Variants in AGPAT4 observed in about 807,000 individuals in gnomAD.
AGPAT4 encodes the protein 1-acylglycerol-3-phosphate O-acyltransferase 4, also known as 1-acyl-sn-glycerol-3-phosphate acyltransferase delta.
Under a neutral mutation model 48.0 loss-of-function variants are expected in AGPAT4, and 15 were observed. The ratio of observed to expected loss-of-function variants is 0.31; its 90% CI spans 0.21 to 0.48. The LOEUF is 0.48. Ranked by LOEUF, AGPAT4 falls within the 20% of genes least tolerant of loss-of-function variation. AGPAT4 has a pLI of 0.99. For missense variants in AGPAT4, 314 were observed against 482.5 expected, an observed-to-expected ratio of 0.65 and a Z score of 3.27; for synonymous variants, 178 against 198.7, an observed-to-expected ratio of 0.90 and a Z score of 0.88.
Position 161,144,057 on chromosome 6 carries a change from G to A in AGPAT4, c.843+2467C>T, listed in dbSNP as rs2114956078. The A allele has an allele frequency of 6.2e-6, 3 of 487,446 alleles. No homozygotes were observed. Among genetic ancestry groups the A allele is most frequent in the South Asian group, 4.7e-5 (3 of 63,874 alleles). The allele number at this position is 487,446 out of a possible 1,614,324, so 30.2% of individuals were successfully genotyped here. ...CAAACTGGGTCGGGCACCCAGATTT[G>A]GGGCACGTAAAGCTTTAGATCTAGG... On this transcript the variant is annotated intron_variant, in intron 7 of 8. Transcript: ENST00000320285. This position sits in a 1 kb window ranked among gnomAD's most constrained non-coding sequence, Gnocchi z 6.6.
At position 161,264,923 on chromosome 6, in the gene AGPAT4, C is replaced by A. The variant is rs1034514646; in HGVS notation, c.-90+9015G>T. Among the ~76,000 whole-genome samples the A allele has an allele frequency of 2.0e-4, 30 of 152,080 alleles. No individual in the cohort carries two copies. The highest frequency in any genetic ancestry group is 6.5e-4 in the African/African-American group (27 of 41,412). ...TGGGGAGCTGAAGCCTAACTTCAGG[C>A]AGGGCAGGGTGCTGGTCCTGGGAAG... On this transcript the variant is annotated intron_variant, in intron 1 of 8. Transcript: ENST00000320285. The surrounding 1 kb of genome is among the most constrained non-coding windows in gnomAD (Gnocchi z 6.8).
At position 161,136,338 on chromosome 6, in the gene AGPAT4, T is replaced by TAAAGC; in HGVS notation, c.*197_*201dup. ...GCACAAAAAGAAAACCAAAGCCCACTAAAGCACATGGGGAAAAAAAGATTA... is the reference window on the plus strand; with the variant it reads ...GCACAAAAAGAAAACCAAAGCCCACTAAAGCAAAGCACATGGGGAAAAAAAGATTA... On this transcript the variant is annotated 3_prime_UTR_variant, in exon 9 of 9. Coordinates refer to ENST00000320285, the MANE Select transcript of AGPAT4 (RefSeq NM_020133.3). 1.8e-6 allele frequency: 1 copy of TAAAGC among 561,154 alleles called. No homozygotes were observed. The highest frequency in any genetic ancestry group is 3.2e-6 in the Non-Finnish European group (1 of 312,208). 34.8% of individuals were successfully genotyped at this position (561,154 alleles called of 1,614,324 possible).
At position 161,166,508 on chromosome 6, in the gene AGPAT4, G is replaced by A. The variant is rs1353875071; in HGVS notation, c.179-91C>T. 6.9e-7 allele frequency: 1 copy of A among 1,456,724 alleles called. No individual in the cohort carries two copies. Among genetic ancestry groups the A allele is most frequent in the African/African-American group, 1.4e-5 (1 of 70,160 alleles). The allele number at this position is 1,456,724 out of a possible 1,614,324, so 90.2% of individuals were successfully genotyped here. ...GCAGGGCTCTGCCCTCCCAGCTAGG[G>A]GAGAAAGCAACTTCTACGGGCAAAG... On this transcript the variant is annotated intron_variant, in intron 2 of 8. Coordinates refer to ENST00000320285, the MANE Select transcript of AGPAT4 (RefSeq NM_020133.3). The surrounding 1 kb of genome is among the most constrained non-coding windows in gnomAD (Gnocchi z 6.7).
chr6:161,135,602 G>A lies in AGPAT4; in HGVS notation c.*938C>T, dbSNP rs186311537. On this transcript the variant is annotated 3_prime_UTR_variant, in exon 9 of 9. Transcript: ENST00000320285. ...CAGACAAGCTCTACATGCTGGGAAG[G>A]GGCGAGGCATTTTATAAAGTGAAAC... is the stretch of plus-strand genomic sequence containing the variant. 6.6e-6 allele frequency: 1 copy of A among 152,344 alleles called. No individual in the cohort carries two copies. The highest frequency in any genetic ancestry group is 1.9e-4 in the East Asian group (1 of 5,180). 9.4% of individuals were successfully genotyped at this position (152,344 alleles called of 1,614,324 possible). A position where few individuals can be genotyped will look rare whatever the true frequency, so the allele number is the denominator to read the frequency against.
rs1780048180 is a variant in AGPAT4, at chr6:161,164,863, C to T, written c.348+1385G>A. Among the ~76,000 whole-genome samples the T allele has an allele frequency of 1.3e-5, 2 of 152,116 alleles. No individual in the cohort carries two copies. Among genetic ancestry groups the T allele is most frequent in the African/African-American group, 4.8e-5 (2 of 41,428 alleles). ...TTGCACATTCTAAGCATGAACACTA[C>T]CAGAAAGTACTTACAAAGCCTGGAA... is the stretch of plus-strand genomic sequence containing the variant. On this transcript the variant is annotated intron_variant, in intron 3 of 8. Transcript: ENST00000320285. This position sits in a 1 kb window ranked among gnomAD's most constrained non-coding sequence, Gnocchi z 7.4.
In AGPAT4 at chr6:161,231,097, C is replaced by G. The variant is rs959127277; in HGVS notation, c.178+939G>C. On this transcript the variant is annotated intron_variant, in intron 2 of 8. Coordinates refer to ENST00000320285, the MANE Select transcript of AGPAT4 (RefSeq NM_020133.3). The surrounding 1 kb of genome is among the most constrained non-coding windows in gnomAD (Gnocchi z 5.3). ...AAAAATATATCAATAATTTTAGACT[C>G]TTGGCATAATCTTAGTTGATGTTTT... 2.0e-5 allele frequency among the ~76,000 whole-genome samples: 3 copies of G among 152,074 alleles called. No individual in the cohort carries two copies. Among genetic ancestry groups the G allele is most frequent in the Non-Finnish European group, 2.9e-5 (2 of 68,008 alleles).
chr6:161,262,704 G>A lies in AGPAT4; in HGVS notation c.-90+11234C>T, dbSNP rs891607242. On this transcript the variant is annotated intron_variant, in intron 1 of 8. Transcript: ENST00000320285. The surrounding 1 kb of genome is among the most constrained non-coding windows in gnomAD (Gnocchi z 4.9). The stretch of plus-strand genomic sequence containing the variant: ...TCCGATTATTCTTCAGTCCCACGGG[G>A]GAGTGAGACCCTCATAGTGAGGGGC... Among the ~76,000 whole-genome samples, 3 of 152,124 alleles carry A rather than the reference G, an allele frequency of 2.0e-5. No homozygotes were observed. The highest frequency in any genetic ancestry group is 7.2e-5 in the African/African-American group (3 of 41,422).
rs1459801254 is a variant in AGPAT4 at position 161,221,084 on chromosome 6, C to A, written c.178+10952G>T. ...AGGCATGAGCCACCGCACCCGGCCC[C>A]AGACAGCATATTTAAACAGATGACA... On this transcript the variant is annotated intron_variant, in intron 2 of 8. Coordinates refer to ENST00000320285, the MANE Select transcript of AGPAT4 (RefSeq NM_020133.3). This position sits in a 1 kb window ranked among gnomAD's most constrained non-coding sequence, Gnocchi z 4.5. Among the ~76,000 whole-genome samples, 3 of 152,140 alleles carry A rather than the reference C, an allele frequency of 2.0e-5. No individual in the cohort carries two copies. Among genetic ancestry groups the A allele is most frequent in the Non-Finnish European group, 4.4e-5 (3 of 68,028 alleles).
chr6:161,238,720 G>A lies in AGPAT4; in HGVS notation c.-89-6418C>T, dbSNP rs186892011. ...GTAGTTCCCATAATCTCCACATGTC[G>A]TGGGAGGGAACCAGTGGGAGGTAAC... On this transcript the variant is annotated intron_variant, in intron 1 of 8. Coordinates refer to ENST00000320285, the MANE Select transcript of AGPAT4 (RefSeq NM_020133.3). The surrounding 1 kb of genome is among the most constrained non-coding windows in gnomAD (Gnocchi z 5.2). Among the ~76,000 whole-genome samples the A allele has an allele frequency of 6.8e-4, 103 of 152,256 alleles. No individual in the cohort carries two copies. The highest frequency in any genetic ancestry group is 2.1e-3 in the African/African-American group (88 of 41,546).
intron 2 of AGPAT4, among the ~76,000 whole-genome samples, chr6:161,170,079 A>C (rs2114982880): frequency 1.3e-5 from 2 of 152,294 alleles, no homozygotes; most frequent in South Asian, 4.1e-4. Context: ...TCAATGCCAG[A>C]TGCAAAAGAA....
rs1248487507 is a variant in AGPAT4 at position 161,234,657 on chromosome 6, T to C, written c.-89-2355A>G. ...ATGCAATTTGTTCATTGTCCCCGGATTAGCCACTAATAGCGTCAAGACAAT... is the reference window on the plus strand; with the variant it reads ...ATGCAATTTGTTCATTGTCCCCGGACTAGCCACTAATAGCGTCAAGACAAT... On this transcript the variant is annotated intron_variant, in intron 1 of 8. Transcript: ENST00000320285. The surrounding 1 kb of genome is among the most constrained non-coding windows in gnomAD (Gnocchi z 4.4). 6.6e-6 allele frequency among the ~76,000 whole-genome samples: 1 copy of C among 152,144 alleles called. No homozygotes were observed. The highest frequency in any genetic ancestry group is 1.5e-5 in the Non-Finnish European group (1 of 68,036).
At chr6:161,136,756 C>A in intron 8 of AGPAT4, 122 bp from the exon 9 acceptor site, 1 of 779,244 alleles carries the variant, frequency 1.3e-6, no homozygotes, top group Non-Finnish European at 2.1e-6. Context: ...AGCTGGCTGG[C>A]GGGTTTGAGG....
Position 161,168,088 on chromosome 6 carries a change from G to A in AGPAT4, c.179-1671C>T, listed in dbSNP as rs145314249. Among the ~76,000 whole-genome samples, 320 of 151,254 alleles carry A rather than the reference G, an allele frequency of 2.1e-3. 1 individual carries two copies. The highest frequency in any genetic ancestry group is 7.3e-3 in the African/African-American group (299 of 40,980). On this transcript the variant is annotated intron_variant, in intron 2 of 8. Coordinates refer to ENST00000320285, the MANE Select transcript of AGPAT4 (RefSeq NM_020133.3). ...GAAGCACAAGTCAAGGAATAGTGAC[G>A]CATCCTGGGAGTTGGTTGTGGGGGC...
In AGPAT4 at chr6:161,247,451, T is replaced by C. The variant is rs141328330; in HGVS notation, c.-89-15149A>G. 6.8e-4 allele frequency among the ~76,000 whole-genome samples: 104 copies of C among 152,324 alleles called. 3 individuals carry two copies. In the East Asian group the frequency reaches 0.01, roughly 15 times the overall value. On this transcript the variant is annotated intron_variant, in intron 1 of 8. Coordinates refer to ENST00000320285, the MANE Select transcript of AGPAT4 (RefSeq NM_020133.3). ...CATAAAGCTTTCCCCTCCCCTTTGC[T>C]AGATAAAACCATTTCAGAGGCTTTT... is the stretch of plus-strand genomic sequence containing the variant.
At position 161,203,693 on chromosome 6, in the gene AGPAT4, C is replaced by T. The variant is rs530372360; in HGVS notation, c.178+28343G>A. 2.1e-3 allele frequency among the ~76,000 whole-genome samples: 316 copies of T among 152,158 alleles called. 2 individuals carry two copies. The highest frequency in any genetic ancestry group is 3.1e-3 in the Admixed American group (48 of 15,292). On this transcript the variant is annotated intron_variant, in intron 2 of 8. Coordinates refer to ENST00000320285, the MANE Select transcript of AGPAT4 (RefSeq NM_020133.3). The stretch of plus-strand genomic sequence containing the variant: ...GATTACAGGCATGAGCCACAGCGCC[C>T]GGCTGGTGCTGGGATTACAGGTGTG...
chr6:161,245,147 T>C lies in AGPAT4; in HGVS notation c.-89-12845A>G, dbSNP rs1342855826. ...GCGACTCTATTCATGGTGGAATAAA[T>C]AAATGCAGCAGGGGAGGTAGCCAGT... On this transcript the variant is annotated intron_variant, in intron 1 of 8. Transcript: ENST00000320285. The surrounding 1 kb of genome is among the most constrained non-coding windows in gnomAD (Gnocchi z 5.2). Among the ~76,000 whole-genome samples, 1 of 152,218 alleles carries C rather than the reference T, an allele frequency of 6.6e-6. No individual in the cohort carries two copies. Among genetic ancestry groups the C allele is most frequent in the Non-Finnish European group, 1.5e-5 (1 of 68,036 alleles).
In AGPAT4 at chr6:161,184,954, G is replaced by A. The variant is rs1031800485; in HGVS notation, c.179-18537C>T. 1.2e-4 allele frequency among the ~76,000 whole-genome samples: 18 copies of A among 152,006 alleles called. No homozygotes were observed. Among genetic ancestry groups the A allele is most frequent in the East Asian group, 5.8e-4 (3 of 5,184 alleles). On this transcript the variant is annotated intron_variant, in intron 2 of 8. Coordinates refer to ENST00000320285, the MANE Select transcript of AGPAT4 (RefSeq NM_020133.3). This position sits in a 1 kb window ranked among gnomAD's most constrained non-coding sequence, Gnocchi z 4.8. ...GGAGGAGTAGGTTAAACGCCCTCACGATGAGCACCCACACACCCAGAGCAC... is the reference window on the plus strand; with the variant it reads ...GGAGGAGTAGGTTAAACGCCCTCACAATGAGCACCCACACACCCAGAGCAC...
intron 3 of AGPAT4, among the ~76,000 whole-genome samples, chr6:161,157,719 G>A (rs1005910254): frequency 3.3e-5 from 5 of 152,198 alleles, no homozygotes; most frequent in African/African-American, 1.2e-4. Context: ...TGTTTGGTAA[G>A]AAACATGTTA....
rs745644958 is a variant in AGPAT4 at position 161,148,953 on chromosome 6, A to G, written c.767+234T>C. ...TAAAATACAGCCTTCCATTTGTTCA[A>G]CCTAAGCTCTTTGATACGAAAAAGC... On this transcript the variant is annotated intron_variant, in intron 6 of 8. Coordinates refer to ENST00000320285, the MANE Select transcript of AGPAT4 (RefSeq NM_020133.3). The surrounding 1 kb of genome is among the most constrained non-coding windows in gnomAD (Gnocchi z 5.5). 3.3e-5 allele frequency among the ~76,000 whole-genome samples: 5 copies of G among 152,216 alleles called. No homozygotes were observed. Among genetic ancestry groups the G allele is most frequent in the African/African-American group, 4.8e-5 (2 of 41,456 alleles).
Sources: gnomAD v4.1 joint callset for allele counts (sites outside exome capture counted in the v4.1 genomes callset) on GRCh38, gnomAD v4.1.1 for gene constraint, Gnocchi (gnomAD v3.1) non-coding constraint, MANE v1.5 for transcripts, NCBI Gene and HGNC (gene_info 2026-07-23, HGNC 2026-07-21) for gene names.